Variants in RBFOX1 observed in about 807,000 individuals in gnomAD.
RBFOX1 encodes the protein RNA binding fox-1 homolog 1.
A neutral mutation model predicts 57.7 loss-of-function variants in RBFOX1; 8 were observed. The observed-to-expected ratio is 0.14, with a 90% CI of 0.08 to 0.25. RBFOX1 has a LOEUF of 0.25. Among genes scored for constraint, RBFOX1 ranks in the 10% least tolerant of loss-of-function variants. The pLI is 1.00. For synonymous variants in RBFOX1, 326 were observed against 222.4 expected, an observed-to-expected ratio of 1.47 and a Z score of -4.15; for missense variants, 611 against 548.5, an observed-to-expected ratio of 1.11 and a Z score of -1.14.
At chr16:7,309,644 C>G (rs1448064676) in intron 4 of RBFOX1, among the ~76,000 whole-genome samples, 1 of 152,172 alleles carries the variant, frequency 6.6e-6, no homozygotes, top group Non-Finnish European at 1.5e-5. Flanking sequence ...TTTTCTGATT[C>G]ATTTAACCAG....
intron 1 of RBFOX1, among the ~76,000 whole-genome samples, chr16:6,173,269 T>C (rs1416446516): frequency 6.6e-6 from 1 of 152,252 alleles, no homozygotes; most frequent in South Asian, 2.1e-4. Context: ...ACACCCAGAA[T>C]AGTGCTTGAC....
intron 1 of RBFOX1, among the ~76,000 whole-genome samples, chr16:6,029,876 A>G (rs1191788188): frequency 6.6e-6 from 1 of 151,852 alleles, no homozygotes; most frequent in African/African-American, 2.4e-5. Context: ...CAAGCGAGCT[A>G]TGAAGAATTC....
intron 3 of RBFOX1, among the ~76,000 whole-genome samples, chr16:6,973,806 A>C (rs1156501758): frequency 6.6e-6 from 1 of 152,098 alleles, no homozygotes; most frequent in Non-Finnish European, 1.5e-5. Flanking sequence ...TCCAGGGTAC[A>C]TGTGCAGGAT....
intron 4 of RBFOX1, among the ~76,000 whole-genome samples, chr16:5,984,976 A>ATATATATATATATATTTTT (rs1359064334): frequency 1.8e-5 from 1 of 55,716 alleles, no homozygotes; most frequent in African/African-American, 8.7e-5. Context: ...ATATATATAT[A>ATATATATATATATATTTTT]TTTTTTTTTT....
chr16:6,627,682 C>T (rs1228513689), intron 2 of RBFOX1, among the ~76,000 whole-genome samples: 1 of 152,118 alleles, frequency 6.6e-6, no homozygotes, highest in Non-Finnish European at 1.5e-5. Flanking sequence ...AAATGAGCAG[C>T]ACACTGTGAA....
intron 3 of RBFOX1, among the ~76,000 whole-genome samples, chr16:6,782,154 G>GCT (rs954127159): frequency 2.0e-5 from 3 of 152,060 alleles, no homozygotes; most frequent in African/African-American, 7.2e-5. Context: ...CTACGGGCAT[G>GCT]CACCACCACA....
intron 1 of RBFOX1, among the ~76,000 whole-genome samples, chr16:6,091,091 TATATA>T (rs1364081779): frequency 6.6e-5 from 10 of 152,210 alleles, no homozygotes; most frequent in Non-Finnish European, 1.5e-4. Context: ...TATTCTTAAA[TATATA>T]ATACATTACT....
chr16:6,115,665 G>C (rs1388917925), intron 1 of RBFOX1, among the ~76,000 whole-genome samples: 1 of 152,118 alleles, frequency 6.6e-6, no homozygotes, highest in Non-Finnish European at 1.5e-5. Context: ...GAAAGACCCA[G>C]GATTTTTGTG....
At chr16:7,463,065 C>T (rs928284030) in intron 4 of RBFOX1, among the ~76,000 whole-genome samples, 31 of 152,150 alleles carry the variant, frequency 2.0e-4, no homozygotes, top group Admixed American at 2.0e-3. Context: ...ATTCATTGCT[C>T]ACAGTTCTAG....
intron 13 of RBFOX1, among the ~76,000 whole-genome samples, chr16:7,668,972 C>T (rs1195662165): frequency 6.6e-6 from 1 of 152,192 alleles, no homozygotes; most frequent in South Asian, 2.1e-4. Context: ...AGCACGATCT[C>T]AGCTCACTTG....
chr16:7,111,608 T>C (rs1199091435), intron 4 of RBFOX1, among the ~76,000 whole-genome samples: 5 of 152,316 alleles, frequency 3.3e-5, no homozygotes, highest in African/African-American at 9.6e-5. Context: ...TGTCTGAGTA[T>C]CCTGGGAGTC....
At chr16:5,423,709 T>A (rs150801295) in intron 1 of RBFOX1, among the ~76,000 whole-genome samples, 1 of 152,220 alleles carries the variant, frequency 6.6e-6, no homozygotes, top group Non-Finnish European at 1.5e-5. Context: ...CCCCCTTCCA[T>A]TGACGATTGT....
At chr16:6,749,566 C>G (rs143608005) in intron 3 of RBFOX1, among the ~76,000 whole-genome samples, 40 of 152,130 alleles carry the variant, frequency 2.6e-4, no homozygotes, top group African/African-American at 8.9e-4. Flanking sequence ...GCAGCCATGC[C>G]GATTTCAAAG....
intron 1 of RBFOX1, among the ~76,000 whole-genome samples, chr16:5,433,292 G>C (rs1392340696): frequency 6.6e-6 from 1 of 152,166 alleles, no homozygotes; most frequent in African/African-American, 2.4e-5. Context: ...CCTGTCTCTT[G>C]TGAGAACTTC....
chr16:6,226,985 G>A (rs537929154), intron 1 of RBFOX1, among the ~76,000 whole-genome samples: 40 of 151,392 alleles, frequency 2.6e-4, no homozygotes, highest in Admixed American at 4.6e-4. Flanking sequence ...TTAGCTGGGT[G>A]TGGTAGCAGG....
At chr16:5,425,561 A>G (rs1265417110) in intron 1 of RBFOX1, among the ~76,000 whole-genome samples, 2 of 152,202 alleles carry the variant, frequency 1.3e-5, no homozygotes, top group East Asian at 1.9e-4. Context: ...AAAATCAGCC[A>G]TGTGACTCCC....
At chr16:6,909,053 C>T (rs573065866) in intron 3 of RBFOX1, among the ~76,000 whole-genome samples, 3 of 152,096 alleles carry the variant, frequency 2.0e-5, no homozygotes, top group Admixed American at 2.0e-4. Flanking sequence ...TAAATGATCA[C>T]CAATTTAGGT....
At chr16:5,375,134 A>T (rs1483550758) in intron 1 of RBFOX1, among the ~76,000 whole-genome samples, 3 of 151,518 alleles carry the variant, frequency 2.0e-5, no homozygotes, top group Admixed American at 6.6e-5. Context: ...GGTTTGTCAA[A>T]TGCTAGGTTA....
intron 2 of RBFOX1, among the ~76,000 whole-genome samples, chr16:6,611,220 C>A (rs1165714772): frequency 1.3e-5 from 2 of 152,134 alleles, no homozygotes; most frequent in Non-Finnish European, 1.5e-5. Context: ...AATCTAGGAT[C>A]ACTGCAACCT....
Sources: allele counts gnomAD v4.1 joint callset (sites outside exome capture counted in the v4.1 genomes callset), GRCh38; gene constraint gnomAD v4.1.1; transcripts MANE v1.5; gene names NCBI Gene and HGNC (gene_info 2026-07-23, HGNC 2026-07-21).